CLSTN2: variants seen among roughly 807,000 people sequenced by gnomAD.
CLSTN2 encodes the protein calsyntenin 2, also known as calsyntenin-2.
CLSTN2 carries 48 observed loss-of-function variants against 101.2 expected under a neutral mutation model. The observed-to-expected ratio is 0.47, with a 90% confidence interval of 0.38 to 0.60. The LOEUF is 0.60. Among genes scored for constraint, CLSTN2 ranks in the 20% least tolerant of loss-of-function variants. CLSTN2 has a pLI of 0.00. For synonymous variants in CLSTN2, 481 were observed against 463.6 expected, an observed-to-expected ratio of 1.04 and a Z score of -0.48; for missense variants, 1,160 against 1,238.2, an observed-to-expected ratio of 0.94 and a Z score of 0.95.
intron 2 of CLSTN2, among the ~76,000 whole-genome samples, chr3:140,324,951 A>G (rs1383887854): frequency 6.6e-6 from 1 of 152,270 alleles, no homozygotes; most frequent in Non-Finnish European, 1.5e-5. Flanking sequence ...AAATTGTGGA[A>G]GATTTGGGAA....
intron 1 of CLSTN2, among the ~76,000 whole-genome samples, chr3:140,027,859 G>T (rs946226011): frequency 1.3e-5 from 2 of 152,224 alleles, no homozygotes; most frequent in African/African-American, 4.8e-5. Flanking sequence ...TCACTCCGTG[G>T]TTGAGAGCAG....
intron 2 of CLSTN2, among the ~76,000 whole-genome samples, chr3:140,275,535 A>T (rs1353791074): frequency 1.3e-5 from 2 of 152,124 alleles, no homozygotes; most frequent in African/African-American, 2.4e-5. Flanking sequence ...GCCTCCCAAA[A>T]TGCTGGGATT....
intron 2 of CLSTN2, among the ~76,000 whole-genome samples, chr3:140,352,997 G>A (rs1249691936): frequency 6.6e-6 from 1 of 151,984 alleles, no homozygotes; most frequent in Non-Finnish European, 1.5e-5. Flanking sequence ...TGTTTTTCTT[G>A]TCATTATTCC....
At chr3:140,490,634 G>T (rs1048929456) in intron 8 of CLSTN2, among the ~76,000 whole-genome samples, 2 of 151,288 alleles carry the variant, frequency 1.3e-5, no homozygotes, top group African/African-American at 2.4e-5. Flanking sequence ...CATCCACTGG[G>T]ACTATGTTCT....
At chr3:140,343,073 G>A (rs1245138447) in intron 2 of CLSTN2, among the ~76,000 whole-genome samples, 2 of 152,136 alleles carry the variant, frequency 1.3e-5, no homozygotes, top group African/African-American at 4.8e-5. Flanking sequence ...GTACGTTTTT[G>A]TGGCCATCTT....
intron 9 of CLSTN2, among the ~76,000 whole-genome samples, chr3:140,543,460 T>C (rs976629244): frequency 5.3e-5 from 8 of 152,200 alleles, no homozygotes; most frequent in African/African-American, 1.7e-4. Flanking sequence ...AAGAAACTTA[T>C]CCTTTATTTC....
At position 140,527,943 on chromosome 3, in the gene CLSTN2, G is replaced by T. The variant is rs552552350; in HGVS notation, c.1345-4381G>T. Among the ~76,000 whole-genome samples the T allele has an allele frequency of 1.6e-4, 25 of 152,030 alleles. 2 individuals are homozygous for T. In the South Asian group the frequency reaches 5.0e-3, roughly 30 times the overall value. On this transcript the variant is annotated intron_variant, in intron 8 of 16. Transcript: ENST00000458420. ...TGGGGGAGGGAAAGAGAGGGGAATG[G>T]GTTGAAAAACCACCTATTGAGTATT...
chr3:140,348,614 G>C (rs767719185), intron 2 of CLSTN2, among the ~76,000 whole-genome samples: 24 of 152,164 alleles, frequency 1.6e-4, no homozygotes, highest in Non-Finnish European at 2.9e-4. Context: ...TCCAAGGACT[G>C]AAAGATTTTC....
chr3:140,211,398 T>TCACAAACACACACACA (rs1553722368), intron 2 of CLSTN2, among the ~76,000 whole-genome samples: 1 of 113,406 alleles, frequency 8.8e-6, no homozygotes, highest in Non-Finnish European at 1.8e-5. Flanking sequence ...GCTTGGTAAT[T>TCACAAACACACACACA]CACACACACA....
intron 1 of CLSTN2, among the ~76,000 whole-genome samples, chr3:140,143,107 C>G (rs1356410120): frequency 6.6e-6 from 1 of 152,154 alleles, no homozygotes; most frequent in Non-Finnish European, 1.5e-5. Context: ...GCATCTAACA[C>G]AGTGCCTGGC....
chr3:140,063,055 C>G (rs1367132746), intron 1 of CLSTN2, among the ~76,000 whole-genome samples: 1 of 152,014 alleles, frequency 6.6e-6, no homozygotes, highest in Non-Finnish European at 1.5e-5. Flanking sequence ...GGTTTAATAC[C>G]TAATCTAATT....
At chr3:139,940,536 A>AT (rs5852958) in intron 1 of CLSTN2, among the ~76,000 whole-genome samples, 38 of 151,112 alleles carry the variant, frequency 2.5e-4, no homozygotes, top group African/African-American at 4.9e-5. Context: ...GATTTGGTGA[A>AT]TTTTTTTTTT....
intron 2 of CLSTN2, among the ~76,000 whole-genome samples, chr3:140,252,860 A>G (rs377157122): frequency 3.3e-5 from 5 of 152,038 alleles, no homozygotes; most frequent in East Asian, 3.9e-4. Flanking sequence ...AAAGCCTGTG[A>G]GCTCTTCCAC....
At chr3:140,364,971 A>G (rs2087769927) in intron 2 of CLSTN2, among the ~76,000 whole-genome samples, 1 of 152,164 alleles carries the variant, frequency 6.6e-6, no homozygotes, top group Non-Finnish European at 1.5e-5. Context: ...AACATGGTGC[A>G]ATGCTGGGGG....
chr3:139,989,584 G>A (rs993790302), intron 1 of CLSTN2, among the ~76,000 whole-genome samples: 1 of 152,096 alleles, frequency 6.6e-6, no homozygotes, highest in Admixed American at 6.5e-5. Context: ...ACCCAGCAGA[G>A]GTCAGAAAAT....
At chr3:140,180,691 G>T (rs2010395027) in intron 2 of CLSTN2, among the ~76,000 whole-genome samples, 1 of 152,140 alleles carries the variant, frequency 6.6e-6, no homozygotes, top group African/African-American at 2.4e-5. Flanking sequence ...GGGCCAGTCT[G>T]GACTTGTCTT....
At chr3:140,217,952 G>A (rs568764582) in intron 2 of CLSTN2, among the ~76,000 whole-genome samples, 1 of 152,272 alleles carries the variant, frequency 6.6e-6, no homozygotes, top group African/African-American at 2.4e-5. Flanking sequence ...GAAATGAACT[G>A]TATCCCCACT....
intron 5 of CLSTN2, among the ~76,000 whole-genome samples, chr3:140,446,077 T>C (rs72985110): frequency 0.031 from 4,734 of 152,218 alleles, 237 homozygotes; most frequent in African/African-American, 0.11. Context: ...AAGCATTTTG[T>C]ACCTAGGACA....
chr3:140,437,656 C>A (rs1224942972), intron 5 of CLSTN2, among the ~76,000 whole-genome samples: 1 of 152,112 alleles, frequency 6.6e-6, no homozygotes, highest in Non-Finnish European at 1.5e-5. Flanking sequence ...CAGGTGGGCA[C>A]CCCCAGGCAA....
Sources: allele counts gnomAD v4.1 joint callset (sites outside exome capture counted in the v4.1 genomes callset), GRCh38; gene constraint gnomAD v4.1.1; transcripts MANE v1.5; gene names NCBI Gene and HGNC (gene_info 2026-07-23, HGNC 2026-07-21).